Variants in ZSCAN10 observed in about 807,000 individuals in gnomAD.
ZSCAN10 encodes the protein zinc finger and SCAN domain-containing protein 10.
Under a neutral mutation model 63.7 loss-of-function variants are expected in ZSCAN10, and 52 were observed. The observed-to-expected ratio is 0.82, with a 90% confidence interval of 0.65 to 1.03. ZSCAN10 has a LOEUF of 1.03. Among genes scored for constraint, ZSCAN10 ranks in the 50% least tolerant of loss-of-function variants. The pLI is 0.00. For synonymous variants in ZSCAN10, 544 were observed against 479.6 expected (o/e 1.13, Z -1.76); for missense variants, 1,223 against 1,103.8 (o/e 1.11, Z -1.53).
rs374975258 is a variant in ZSCAN10 at position 3,089,920 on chromosome 16, C to G, written c.1514G>C (p.Arg505Pro). The G allele has an allele frequency of 3.9e-6, 6 of 1,536,420 alleles. No individual in the cohort carries two copies. The Admixed American group carries it at 7.9e-5, about 20-fold the overall frequency. The stretch of plus-strand genomic sequence containing the variant: ...GCGGCTGCCGGAGCCTTCGGAGGAC[C>G]GGCGGTCCTTGTCCCTGGCGTGGAT... Reference protein sequence around the residue: ...LRIHARDKDRRSSEGSGSRRR... With the variant: ...LRIHARDKDRPSSEGSGSRRR... The change falls in exon 6 of 6, where the codon CGG becomes CCG. Residue 505 changes from arginine (R) to proline (P), a missense_variant. Physicochemically the swap from Arg to Pro is moderately radical, Grantham distance 103. Coordinates refer to ENST00000576985, the MANE Select transcript of ZSCAN10 (RefSeq NM_032805.3).
chr16:3,092,409 A>G, intron 2 of ZSCAN10, 93 bp from the exon 3 acceptor site: 1 of 1,516,282 alleles, frequency 6.6e-7, no homozygotes, highest in East Asian at 2.3e-5. Context: ...GGTTAGAGTC[A>G]GCCAGGGGAG....
chr16:3,098,056 A>G (rs1043589765), intron 1 of ZSCAN10, among the ~76,000 whole-genome samples: 11 of 151,256 alleles, frequency 7.3e-5, no homozygotes, highest in Non-Finnish European at 1.3e-4. Flanking sequence ...AAAAAAAAAA[A>G]AAAAAAGAAA....
rs1957038001 is a variant in ZSCAN10 at position 3,089,646 on chromosome 16, G to T, written c.1788C>A (p.His596Gln). ...RFVRRASLAR[H>Q]LLTHGGPRPH... ...GCCGAGGGCCACCGTGGGTCAGCAG[G>T]TGGCGGGCAAGGCTGGCCCGGCGCA... Residue 596 changes from histidine to glutamine, a missense_variant, in exon 6 of 6, where the codon CAC becomes CAA. Physicochemically the swap from His to Gln is conservative, Grantham distance 24 (BLOSUM62 0). Coordinates refer to ENST00000576985, the MANE Select transcript of ZSCAN10 (RefSeq NM_032805.3). The T allele has an allele frequency of 6.3e-7, 1 of 1,591,018 alleles. No individual in the cohort carries two copies. The highest frequency in any genetic ancestry group is 2.3e-5 in the East Asian group (1 of 44,040).
intron 1 of ZSCAN10, among the ~76,000 whole-genome samples, chr16:3,096,156 C>T (rs1445364554): frequency 6.6e-6 from 1 of 152,206 alleles, no homozygotes; most frequent in Non-Finnish European, 1.5e-5. Flanking sequence ...GCCCCACCCA[C>T]AGGGGACTCA....
rs1319817530 is a variant in ZSCAN10, at chr16:3,089,475, C to G, written c.1959G>C (p.Gln653His). 1 of 1,603,902 alleles carries G rather than the reference C, an allele frequency of 6.2e-7. No homozygotes were observed. The highest frequency in any genetic ancestry group is 1.3e-5 in the African/African-American group (1 of 74,526). ...FSQSAHLARHQRIHTGEKPHA... is the reference protein window; with the variant it reads ...FSQSAHLARHHRIHTGEKPHA... The stretch of plus-strand genomic sequence containing the variant: ...GGGGCTTCTCCCCTGTGTGGATGCG[C>G]TGGTGGCGCGCCAGGTGGGCGCTCT... Residue 653 changes from glutamine (Q) to histidine (H), a missense_variant, in exon 6 of 6, where the codon CAG becomes CAC. Coordinates refer to ENST00000576985, the MANE Select transcript of ZSCAN10 (RefSeq NM_032805.3).
At position 3,089,825 on chromosome 16, in the gene ZSCAN10, G is replaced by A; in HGVS notation, c.1609C>T (p.Leu537=). The part of the protein sequence containing the change: ...CGKAFRRSEH[L]VAHRRVHTGE... ...GTGTGCACCCTCCGGTGGGCCACCA[G>A]GTGCTCGCTGCGCCGGAAGGCCTTG... Residue 537 remains leucine, a synonymous_variant, in exon 6 of 6, where the codon CTG becomes TTG. Transcript: ENST00000576985. 6.4e-7 allele frequency: 1 copy of A among 1,567,610 alleles called. No homozygotes were observed. Among genetic ancestry groups the A allele is most frequent in the South Asian group, 1.1e-5 (1 of 87,462 alleles).
chr16:3,091,464 G>A (rs1378611720), intron 5 of ZSCAN10, 76 bp downstream of exon 5: 4 of 1,520,688 alleles, frequency 2.6e-6, no homozygotes, highest in Non-Finnish European at 3.6e-6. Context: ...GCAACATAGC[G>A]AGATTCCATC....
chr16:3,097,844 C>T (rs955236917), intron 1 of ZSCAN10, among the ~76,000 whole-genome samples: 1 of 151,776 alleles, frequency 6.6e-6, no homozygotes, highest in Non-Finnish European at 1.5e-5. Flanking sequence ...CATGTAACAA[C>T]GTCTAGGACA....
chr16:3,091,837 A>G lies in ZSCAN10; in HGVS notation c.665-9T>C. 1 of 1,573,970 alleles carries G rather than the reference A, an allele frequency of 6.4e-7. No homozygotes were observed. The highest frequency in any genetic ancestry group is 8.6e-7 in the Non-Finnish European group (1 of 1,159,838). On this transcript the variant is annotated splice_polypyrimidine_tract_variant and intron_variant, in intron 3 of 5. Coordinates refer to ENST00000576985, the MANE Select transcript of ZSCAN10 (RefSeq NM_032805.3). ...TGAGGGGCCCTGGGGACCTGACGGC[A>G]TTGGGGAAGAGGGGAGGAAGTGCTG...
chr16:3,092,880 G>C lies in ZSCAN10; in HGVS notation c.58C>G (p.Leu20Val), dbSNP rs1387197523. The C allele has an allele frequency of 2.1e-6, 3 of 1,443,902 alleles. No homozygotes were observed. The highest frequency in any genetic ancestry group is 2.7e-6 in the Non-Finnish European group (3 of 1,096,372). 89.4% of individuals were successfully genotyped at this position (1,443,902 alleles called of 1,614,324 possible). Residue 20 changes from leucine (L) to valine (V), a missense_variant, in exon 2 of 6, where the codon CTG becomes GTG. Leu to Val is a conservative substitution (Grantham distance 32). Transcript: ENST00000576985. ...VEQEQLGEVK[L>V]EEEEAVSPED... ...GGGCTGACAGCCTCCTCCTCCTCCAGCTTGACTTCCCCCAGCTGCTCCTGC... is the reference window on the plus strand; with the variant it reads ...GGGCTGACAGCCTCCTCCTCCTCCACCTTGACTTCCCCCAGCTGCTCCTGC...
In ZSCAN10 at chr16:3,090,393, G is replaced by A. The variant is rs771735564; in HGVS notation, c.1041C>T (p.Phe347=). ...AGCTCACCCCGCAGTCCGCGCAGAT[G>A]AACTGCAACTCCGGATTGGGCTCGG... is the stretch of plus-strand genomic sequence containing the variant. ...GVPEPNPELQ[F]ICADCGVSFP... is the part of the protein sequence containing the mutation. Residue 347 remains phenylalanine, a synonymous_variant, in exon 6 of 6, where the codon TTC becomes TTT. Coordinates refer to ENST00000576985, the MANE Select transcript of ZSCAN10 (RefSeq NM_032805.3). 6.2e-7 allele frequency: 1 copy of A among 1,613,622 alleles called. No individual in the cohort carries two copies. The highest frequency in any genetic ancestry group is 1.1e-5 in the South Asian group (1 of 91,082).
intron 1 of ZSCAN10, among the ~76,000 whole-genome samples, chr16:3,098,644 G>A (rs1056432833): frequency 6.9e-5 from 10 of 145,388 alleles, no homozygotes; most frequent in African/African-American, 2.5e-4. Flanking sequence ...CAAAAGCTCT[G>A]TTAATATGCA....
rs746422336 is a variant in ZSCAN10 at position 3,090,225 on chromosome 16, C to T, written c.1209G>A (p.Pro403=). Residue 403 remains proline, a synonymous_variant, in exon 6 of 6, where the codon CCG becomes CCA. Transcript: ENST00000576985. ...GGTGGCCGCACAGGTGGCAGGCGTG[C>T]GGCCGCTCGTCCGTGTGAGTGCGCA... ...LHMRTHTDER[P]HACHLCGHRF... 2 of 1,604,936 alleles carry T rather than the reference C, an allele frequency of 1.2e-6. No homozygotes were observed. The highest frequency in any genetic ancestry group is 1.1e-5 in the South Asian group (1 of 90,862).
At chr16:3,093,034 C>A in intron 1 of ZSCAN10, 30 bp from the exon 2 acceptor site, 1 of 1,330,300 alleles carries the variant, frequency 7.5e-7, no homozygotes, top group African/African-American at 1.5e-5. Context: ...GGGTTAGGAT[C>A]TGCTGCGAGG....
chr16:3,096,090 T>C (rs1471968926), intron 1 of ZSCAN10, among the ~76,000 whole-genome samples: 1 of 152,192 alleles, frequency 6.6e-6, no homozygotes, highest in Non-Finnish European at 1.5e-5. Flanking sequence ...GCTGTGGGGC[T>C]TCCCCTTCCT....
chr16:3,090,086 G>A lies in ZSCAN10; in HGVS notation c.1348C>T (p.His450Tyr). ...GFQRRASLVQ[H>Y]LLAHAQDQKP... The stretch of plus-strand genomic sequence containing the variant: ...TGGTCCTGGGCGTGCGCCAGCAGGT[G>A]CTGCACAAGGCTGGCGCGGCGCTGG... The change falls in exon 6 of 6, where the codon CAC becomes TAC. Residue 450 changes from histidine to tyrosine, a missense_variant. Physicochemically the swap from His to Tyr is moderately conservative, Grantham distance 83. Transcript: ENST00000576985. 5.0e-6 allele frequency: 8 copies of A among 1,604,270 alleles called. No individual in the cohort carries two copies. The highest frequency in any genetic ancestry group is 6.8e-6 in the Non-Finnish European group (8 of 1,178,682).
Position 3,089,047 on chromosome 16 carries a change from C to G in ZSCAN10, c.*44G>C. 1 of 1,449,456 alleles carries G rather than the reference C, an allele frequency of 6.9e-7. No individual in the cohort carries two copies. Among genetic ancestry groups the G allele is most frequent in the Non-Finnish European group, 9.0e-7 (1 of 1,112,278 alleles). 89.8% of individuals were successfully genotyped at this position (1,449,456 alleles called of 1,614,324 possible). On this transcript the variant is annotated 3_prime_UTR_variant, in exon 6 of 6. Coordinates refer to ENST00000576985, the MANE Select transcript of ZSCAN10 (RefSeq NM_032805.3). ...CTGCAGGCCTCCGCTGTGGAGGACC[C>G]CGGGTAGGTGGCGCAGGGCGCGGCT...
Position 3,089,530 on chromosome 16 carries a change from C to T in ZSCAN10, c.1904G>A (p.Arg635His), listed in dbSNP as rs1430087984. The T allele has an allele frequency of 3.1e-6, 5 of 1,601,628 alleles. No homozygotes were observed. Among genetic ancestry groups the T allele is most frequent in the Middle Eastern group, 1.7e-4 (1 of 6,052 alleles). The change falls in exon 6 of 6, where the codon CGC becomes CAC. Residue 635 changes from arginine (R) to histidine (H), a missense_variant. Coordinates refer to ENST00000576985, the MANE Select transcript of ZSCAN10 (RefSeq NM_032805.3). ...QRSHTGEKPCRCSECGEGFSQ... is the reference protein window; with the variant it reads ...QRSHTGEKPCHCSECGEGFSQ... The stretch of plus-strand genomic sequence containing the variant: ...GAAGCCCTCACCGCACTCGCTGCAG[C>T]GGCAGGGCTTCTCGCCCGTGTGGCT...
chr16:3,092,740 C>A lies in ZSCAN10; in HGVS notation c.198G>T (p.Arg66=), dbSNP rs748670429. The A allele has an allele frequency of 6.2e-7, 1 of 1,612,290 alleles. No homozygotes were observed. Among genetic ancestry groups the A allele is most frequent in the South Asian group, 1.1e-5 (1 of 90,882 alleles). ...MGPRASLSRL[R]ELCGHWLRPA... is the part of the protein sequence containing the mutation. Reference sequence around the variant, plus strand: ...GCCGCAGCCAGTGGCCGCAGAGCTCCCGGAGCCGGCTCAGGGACGCCCGTG... The same window carrying A: ...GCCGCAGCCAGTGGCCGCAGAGCTCACGGAGCCGGCTCAGGGACGCCCGTG... The change falls in exon 2 of 6, where the codon CGG becomes CGT. Residue 66 remains arginine (R), a synonymous_variant. Transcript: ENST00000576985.
Sources: allele counts gnomAD v4.1 joint callset (sites outside exome capture counted in the v4.1 genomes callset), GRCh38; gene constraint gnomAD v4.1.1; transcripts MANE v1.5; gene names NCBI Gene and HGNC (gene_info 2026-07-23, HGNC 2026-07-21).